The following EHD1 variants were observed in gnomAD, a reference collection of about 807,000 sequenced individuals.
The protein encoded by EHD1 is EH domain containing 1.
Under a neutral mutation model 39.0 loss-of-function variants are expected in EHD1, and 19 were observed. The ratio of observed to expected loss-of-function variants is 0.49; its 90% confidence interval spans 0.34 to 0.72. The LOEUF (loss-of-function observed/expected upper bound fraction) is 0.72. Ranked by LOEUF, EHD1 falls within the 30% of genes least tolerant of loss-of-function variation. EHD1 has a pLI of 0.01. For synonymous variants in EHD1, 323 were observed against 331.2 expected, an observed-to-expected ratio of 0.98 and a Z score of 0.27; for missense variants, 542 against 751.5, an observed-to-expected ratio of 0.72 and a Z score of 3.26.
chr11:64,856,974 C>G (rs2136476584), intron 3 of EHD1, among the ~76,000 whole-genome samples: 1 of 152,186 alleles, frequency 6.6e-6, no homozygotes, highest in East Asian at 1.9e-4. Flanking sequence ...CTCTGCCCTG[C>G]AAGGAGAGAA....
chr11:64,878,751 G>T, upstream of EHD1: 2 of 1,300,732 alleles, frequency 1.5e-6, no homozygotes, highest in Non-Finnish European at 1.9e-6. Context: ...CCCTCCGACT[G>T]GTGCCACGTC....
upstream of EHD1, chr11:64,879,569 A>G (rs956327776): frequency 1.3e-6 from 2 of 1,550,478 alleles, no homozygotes; most frequent in Non-Finnish European, 8.7e-7. Flanking sequence ...GGTCACCACC[A>G]TTTACCATCA....
rs535486154 is a variant in EHD1, at chr11:64,854,576, C to T, written c.1362G>A (p.Thr454=). The part of the protein sequence containing the change: ...DKPTYDEIFY[T]LSPVNGKITG... ...TGATCTTGCCGTTGACAGGGGACAG[C>T]GTGTAGAAGATCTCGTCGTAGGTGG... Residue 454 remains threonine (T), a synonymous_variant, in exon 5 of 5, where the codon ACG becomes ACA. Coordinates refer to ENST00000320631, the MANE Select transcript of EHD1 (RefSeq NM_006795.4). The T allele has an allele frequency of 3.6e-5, 58 of 1,614,150 alleles. No homozygotes were observed. The highest frequency in any genetic ancestry group is 4.0e-5 in the African/African-American group (3 of 75,042).
At chr11:64,869,822 TG>T (rs57397704) in intron 2 of EHD1, among the ~76,000 whole-genome samples, 1 of 152,168 alleles carries the variant, frequency 6.6e-6, no homozygotes. Context: ...AACCTCAGCC[TG>T]GGGGTGCTGC....
intron 3 of EHD1, 137 bp from the exon 4 acceptor site, chr11:64,855,623 G>C: frequency 7.6e-7 from 1 of 1,310,038 alleles, no homozygotes; most frequent in Non-Finnish European, 1.1e-6. Context: ...TCAAGCTCAA[G>C]GCCGCTACCA....
chr11:64,878,729 T>TCCCAGC, upstream of EHD1: 2 of 1,047,858 alleles, frequency 1.9e-6, no homozygotes, highest in Non-Finnish European at 2.5e-6. Context: ...GAGGAGCCCC[T>TCCCAGC]CCCAGCCCCG....
intron 3 of EHD1, chr11:64,859,674 A>C: frequency 1.9e-6 from 1 of 522,092 alleles, no homozygotes; most frequent in Non-Finnish European, 3.3e-6. Context: ...ACCCTTCCTG[A>C]AAGTAGATGG....
chr11:64,859,685 G>A, intron 3 of EHD1: 1 of 559,466 alleles, frequency 1.8e-6, no homozygotes, highest in East Asian at 3.0e-5. Context: ...AAGTAGATGG[G>A]GTATAAACCA....
chr11:64,855,184 T>A, intron 4 of EHD1, 138 bp downstream of exon 4: 1 of 1,295,416 alleles, frequency 7.7e-7, no homozygotes, highest in Non-Finnish European at 1.0e-6. Context: ...TTGGGTGGGG[T>A]GCTGGTGATT....
In EHD1 at chr11:64,874,476, G is replaced by A; in HGVS notation, c.447C>T (p.Ile149=). ...GGATCCCGGGGGTGTCGATGATGCTGATGCTGTCCAGGACGGGGTTGGGCA... is the reference window on the plus strand; with the variant it reads ...GGATCCCGGGGGTGTCGATGATGCTAATGCTGTCCAGGACGGGGTTGGGCA... ...AQLPNPVLDS[I]SIIDTPGILS... Residue 149 remains isoleucine, a synonymous_variant, in exon 2 of 5, where the codon ATC becomes ATT. Transcript: ENST00000320631. The A allele has an allele frequency of 6.2e-7, 1 of 1,611,748 alleles. No individual in the cohort carries two copies. Among genetic ancestry groups the A allele is most frequent in the Non-Finnish European group, 8.5e-7 (1 of 1,179,132 alleles).
chr11:64,873,647 G>A (rs1040462478), intron 2 of EHD1, among the ~76,000 whole-genome samples: 1 of 152,064 alleles, frequency 6.6e-6, no homozygotes, highest in African/African-American at 2.4e-5. Flanking sequence ...GTGGAGATGG[G>A]AGGCTGATGT....
chr11:64,867,723 C>T (rs1400895758), intron 2 of EHD1, among the ~76,000 whole-genome samples: 1 of 152,086 alleles, frequency 6.6e-6, no homozygotes, highest in Non-Finnish European at 1.5e-5. Flanking sequence ...ACTCCATCTC[C>T]GTACCCCCAC....
chr11:64,878,990 C>T (rs1224935129), upstream of EHD1: 14 of 998,240 alleles, frequency 1.4e-5, no homozygotes, highest in Non-Finnish European at 1.7e-5. Flanking sequence ...GACACCCAGT[C>T]AGGCACCCTG....
chr11:64,870,062 A>G (rs1317407756), intron 2 of EHD1, among the ~76,000 whole-genome samples: 1 of 152,172 alleles, frequency 6.6e-6, no homozygotes, highest in Non-Finnish European at 1.5e-5. Context: ...ACCCCAAGGG[A>G]TCATTTATGG....
At position 64,868,956 on chromosome 11, in the gene EHD1, C is replaced by T. The variant is rs905121827; in HGVS notation, c.502+5465G>A. Among the ~76,000 whole-genome samples, 3 of 152,146 alleles carry T rather than the reference C, an allele frequency of 2.0e-5. No individual in the cohort carries two copies. The highest frequency in any genetic ancestry group is 4.4e-5 in the Non-Finnish European group (3 of 68,020). On this transcript the variant is annotated intron_variant, in intron 2 of 4. Transcript: ENST00000320631. The surrounding 1 kb of genome is among the most constrained non-coding windows in gnomAD (Gnocchi z 4.2). ...GTTCCCAGCTTCTCAGTCTGTAACA[C>T]GAAGATAGTAGGTTTCCAGCTTGGA...
At chr11:64,863,968 G>A (rs1412118476) in intron 2 of EHD1, among the ~76,000 whole-genome samples, 1 of 152,258 alleles carries the variant, frequency 6.6e-6, no homozygotes, top group East Asian at 1.9e-4. Context: ...CCAGGGCTCT[G>A]TGGGAACAAG....
intron 3 of EHD1, among the ~76,000 whole-genome samples, chr11:64,859,424 G>A (rs1212209701): frequency 6.6e-6 from 1 of 152,170 alleles, no homozygotes; most frequent in African/African-American, 2.4e-5. Context: ...GGAGGCTGAG[G>A]TAGGAGAATC....
At chr11:64,879,289 G>C, upstream of EHD1, 1 of 923,734 alleles carries the variant, frequency 1.1e-6, no homozygotes, top group Non-Finnish European at 1.4e-6. Context: ...GGCCGACGGG[G>C]TGGGAATGGG....
chr11:64,875,080 A>G (rs1358878087), intron 1 of EHD1, among the ~76,000 whole-genome samples: 1 of 152,232 alleles, frequency 6.6e-6, no homozygotes, highest in South Asian at 2.1e-4. Flanking sequence ...CCATTCTCTG[A>G]AAGTCCGAGC....
Sources: gnomAD v4.1 joint callset for allele counts (sites outside exome capture counted in the v4.1 genomes callset) on GRCh38, gnomAD v4.1.1 for gene constraint, Gnocchi (gnomAD v3.1) non-coding constraint, MANE v1.5 for transcripts, NCBI Gene and HGNC (gene_info 2026-07-23, HGNC 2026-07-21) for gene names.